XIRP2: variants seen among roughly 807,000 people sequenced by gnomAD.
XIRP2 encodes xin actin binding repeat containing 2.
XIRP2 carries 236 observed loss-of-function variants against 277.0 expected under a neutral mutation model. That is an observed-to-expected ratio of 0.85 (90% CI 0.77 to 0.95). The LOEUF (loss-of-function observed/expected upper bound fraction) is 0.95, where lower values mean the gene tolerates loss of function less well. XIRP2 is among the 40% of genes least tolerant of loss of function. The pLI is 0.00. For missense variants in XIRP2, 4,640 were observed against 4,157.5 expected, an observed-to-expected ratio of 1.12 and a Z score of -3.19; for synonymous variants, 1,490 against 1,416.5, an observed-to-expected ratio of 1.05 and a Z score of -1.17.
In XIRP2 at chr2:167,248,556, C is replaced by T. The variant is rs1695360531; in HGVS notation, c.7164C>T (p.His2388=). 6.2e-7 allele frequency: 1 copy of T among 1,613,642 alleles called. No homozygotes were observed. Among genetic ancestry groups the T allele is most frequent in the Non-Finnish European group, 8.5e-7 (1 of 1,179,826 alleles). The change falls in exon 9 of 11, where the codon CAC becomes CAT. Residue 2388 remains histidine, a synonymous_variant. Transcript: ENST00000409195. ...HLLSSSAPEK[H]SGDFMQQYSQ... is the part of the protein sequence containing the mutation. The stretch of plus-strand genomic sequence containing the variant: ...TTTCCTCCTCTGCTCCGGAAAAGCA[C>T]AGTGGAGACTTCATGCAACAATATT...
chr2:167,074,038 C>G (rs962003218), intron 2 of XIRP2, among the ~76,000 whole-genome samples: 1 of 152,042 alleles, frequency 6.6e-6, no homozygotes, highest in Non-Finnish European at 1.5e-5. Flanking sequence ...ACTATTATAC[C>G]CATTGCATAA....
At chr2:167,016,429 A>G (rs79226125) in intron 2 of XIRP2, among the ~76,000 whole-genome samples, 5,382 of 152,020 alleles carry the variant, frequency 0.035, 118 homozygotes, top group East Asian at 0.078. Context: ...CTCCTGAACA[A>G]AGACATAACT....
chr2:166,910,404 G>T (rs981930979), intron 2 of XIRP2, among the ~76,000 whole-genome samples: 1 of 152,184 alleles, frequency 6.6e-6, no homozygotes, highest in East Asian at 1.9e-4. Flanking sequence ...TTGCATAGAG[G>T]TGTTTATAGT....
intron 2 of XIRP2, among the ~76,000 whole-genome samples, chr2:166,946,284 ATTC>A (rs1485806975): frequency 6.6e-6 from 1 of 152,172 alleles, no homozygotes; most frequent in Non-Finnish European, 1.5e-5. Context: ...AAAATGATGA[ATTC>A]TTCTTCAGTT....
At chr2:167,118,642 T>C (rs974456638) in intron 2 of XIRP2, among the ~76,000 whole-genome samples, 37 of 152,208 alleles carry the variant, frequency 2.4e-4, no homozygotes, top group South Asian at 4.1e-4. Flanking sequence ...GAACACCATA[T>C]TGGACAGAGA....
At chr2:167,113,336 T>C (rs1690813215) in intron 2 of XIRP2, among the ~76,000 whole-genome samples, 1 of 152,206 alleles carries the variant, frequency 6.6e-6, no homozygotes, top group South Asian at 2.1e-4. Flanking sequence ...GCTCCTGTGT[T>C]GCATACACAT....
At position 167,091,855 on chromosome 2, in the gene XIRP2, T is replaced by A. The variant is rs151329547; in HGVS notation, c.409-44054T>A. 1.9e-3 allele frequency among the ~76,000 whole-genome samples: 283 copies of A among 152,276 alleles called. 2 individuals are homozygous for A. Among genetic ancestry groups the A allele is most frequent in the Admixed American group, 0.016 (250 of 15,294 alleles). ...TCATTTGAAGATGGTTCTCCTTCCTTTTCAGGGCTGGTCAATTGTCAGGTC... is the reference window on the plus strand; with the variant it reads ...TCATTTGAAGATGGTTCTCCTTCCTATTCAGGGCTGGTCAATTGTCAGGTC... On this transcript the variant is annotated intron_variant, in intron 2 of 10. Transcript: ENST00000409195.
intron 2 of XIRP2, among the ~76,000 whole-genome samples, chr2:166,941,037 C>A (rs769984652): frequency 1.3e-5 from 2 of 152,148 alleles, no homozygotes; most frequent in African/African-American, 4.8e-5. Flanking sequence ...TGCCTTGCCC[C>A]GAGAGGTGGA....
At chr2:166,916,500 TAC>T (rs995224498) in intron 2 of XIRP2, among the ~76,000 whole-genome samples, 2 of 152,126 alleles carry the variant, frequency 1.3e-5, no homozygotes, top group Non-Finnish European at 2.9e-5. Context: ...AATATATGTC[TAC>T]CAAACTCTCA....
At position 167,251,403 on chromosome 2, in the gene XIRP2, C is replaced by A; in HGVS notation, c.10011C>A (p.Phe3337Leu). ...NDPENEINRW[F>L]REFEHGPVSE... ...CTGAAAATGAAATAAACAGATGGTTCAGGGAATTTGAGCATGGCCCAGTTT... is the reference window on the plus strand; with the variant it reads ...CTGAAAATGAAATAAACAGATGGTTAAGGGAATTTGAGCATGGCCCAGTTT... The change falls in exon 9 of 11, where the codon TTC (phenylalanine) becomes TTA (leucine). Residue 3337 changes from phenylalanine to leucine, a missense_variant. Phe to Leu is a conservative substitution (Grantham distance 22, BLOSUM62 0). Coordinates refer to ENST00000409195, the MANE Select transcript of XIRP2 (RefSeq NM_152381.6). The A allele has an allele frequency of 6.2e-7, 1 of 1,613,538 alleles. No individual in the cohort carries two copies. Among genetic ancestry groups the A allele is most frequent in the South Asian group, 1.1e-5 (1 of 91,062 alleles).
chr2:167,088,132 A>C (rs1200624087), intron 2 of XIRP2, among the ~76,000 whole-genome samples: 1 of 152,190 alleles, frequency 6.6e-6, no homozygotes, highest in Non-Finnish European at 1.5e-5. Flanking sequence ...AAAATCATGG[A>C]TGTTTAAAAG....
intron 3 of XIRP2, among the ~76,000 whole-genome samples, chr2:167,145,643 C>T (rs757797075): frequency 2.0e-5 from 3 of 152,148 alleles, no homozygotes; most frequent in South Asian, 2.1e-4. Context: ...AAACTTTTTA[C>T]TGGCAACTCA....
chr2:167,164,443 C>T (rs139287735), intron 3 of XIRP2, among the ~76,000 whole-genome samples: 26 of 68,544 alleles, frequency 3.8e-4, no homozygotes, highest in African/African-American at 2.2e-3. Context: ...GAGACTCCGT[C>T]TCAAAAAAAA....
intron 2 of XIRP2, among the ~76,000 whole-genome samples, chr2:167,008,300 T>A (rs1199297646): frequency 1.3e-5 from 2 of 151,652 alleles, no homozygotes; most frequent in East Asian, 3.9e-4. Flanking sequence ...GAAAGTATTA[T>A]CAGTTTCTTC....
intron 5 of XIRP2, among the ~76,000 whole-genome samples, chr2:167,218,546 T>C (rs1328060097): frequency 1.3e-5 from 2 of 152,180 alleles, no homozygotes. Context: ...TCTTCTAATG[T>C]TTCAGACATA....
Position 167,020,105 on chromosome 2 carries a change from C to T in XIRP2, c.409-115804C>T, listed in dbSNP as rs1255327371. Among the ~76,000 whole-genome samples the T allele has an allele frequency of 4.6e-5, 7 of 151,936 alleles. No individual in the cohort carries two copies. The East Asian group carries it at 1.2e-3, about 25-fold the overall frequency. On this transcript the variant is annotated intron_variant, in intron 2 of 10. Transcript: ENST00000409195. ...CAACTTGTTTCAATCTAAATTAGAA[C>T]ATTTGTTTCAATCCAAATATTTTCA...
intron 2 of XIRP2, among the ~76,000 whole-genome samples, chr2:167,049,985 A>C (rs939981618): frequency 1.3e-5 from 2 of 152,030 alleles, no homozygotes; most frequent in Non-Finnish European, 2.9e-5. Flanking sequence ...GGGAAAAACT[A>C]TCTCAGGAAT....
At chr2:166,938,289 G>A (rs938445500) in intron 2 of XIRP2, among the ~76,000 whole-genome samples, 6 of 152,072 alleles carry the variant, frequency 3.9e-5, no homozygotes, top group Non-Finnish European at 8.8e-5. Flanking sequence ...ATTCTGGTTT[G>A]TTGTGTCTTT....
rs1317127272 is a variant in XIRP2 at position 167,112,605 on chromosome 2, AAATCTCTCTCTC to A, written c.409-23303_409-23292del. ...ATATAATATATATAAATCTCTATATAAATCTCTCTCTCTATATATTTTTATGTATATATATAG... is the reference window on the plus strand; with the variant it reads ...ATATAATATATATAAATCTCTATATATATATATTTTTATGTATATATATAG... On this transcript the variant is annotated intron_variant, in intron 2 of 10. Coordinates refer to ENST00000409195, the MANE Select transcript of XIRP2 (RefSeq NM_152381.6). Among the ~76,000 whole-genome samples, 9 of 148,208 alleles carry A rather than the reference AAATCTCTCTCTC, an allele frequency of 6.1e-5. No homozygotes were observed. In the South Asian group the frequency reaches 6.3e-4, roughly 10 times the overall value.
Sources: allele counts gnomAD v4.1 joint callset (sites outside exome capture counted in the v4.1 genomes callset), GRCh38; gene constraint gnomAD v4.1.1; transcripts MANE v1.5; gene names NCBI Gene and HGNC (gene_info 2026-07-23, HGNC 2026-07-21).